The following SKAP2 variants were observed in gnomAD, a reference collection of about 807,000 sequenced individuals.
SKAP2 encodes the protein src kinase-associated phosphoprotein 2.
SKAP2 carries 28 observed loss-of-function variants against 54.9 expected under a neutral mutation model. The ratio of observed to expected loss-of-function variants is 0.51; its 90% CI spans 0.38 to 0.70. The LOEUF (loss-of-function observed/expected upper bound fraction) is 0.70, where lower values mean the gene tolerates loss of function less well. Among genes scored for constraint, SKAP2 ranks in the 30% least tolerant of loss-of-function variants. The probability of loss-of-function intolerance (pLI) is 0.00; values close to 1 mark genes in which losing one functional copy is unlikely to be tolerated. For synonymous variants in SKAP2, 137 were observed against 134.3 expected, an observed-to-expected ratio of 1.02 and a Z score of -0.14; for missense variants, 356 against 424.1, an observed-to-expected ratio of 0.84 and a Z score of 1.41.
At chr7:26,843,472 A>T (rs1332836640) in intron 4 of SKAP2, among the ~76,000 whole-genome samples, 1 of 152,050 alleles carries the variant, frequency 6.6e-6, no homozygotes, top group Non-Finnish European at 1.5e-5. Context: ...ATTTATTACT[A>T]ATTCAGTTAA....
chr7:26,820,744 C>T (rs1218926051), intron 4 of SKAP2, among the ~76,000 whole-genome samples: 2 of 151,134 alleles, frequency 1.3e-5, no homozygotes, highest in African/African-American at 2.4e-5. Context: ...TAGCTACTCA[C>T]AATATGATAT....
At chr7:26,735,639 C>T (rs1382930668) in intron 6 of SKAP2, among the ~76,000 whole-genome samples, 1 of 152,094 alleles carries the variant, frequency 6.6e-6, no homozygotes, top group East Asian at 1.9e-4. Flanking sequence ...CTCTATAATC[C>T]ATTTATCTAA....
chr7:26,804,955 A>G (rs1255479660), intron 4 of SKAP2, among the ~76,000 whole-genome samples: 2 of 152,220 alleles, frequency 1.3e-5, no homozygotes, highest in Admixed American at 6.5e-5. Context: ...TGTTTCCTAT[A>G]GTATGAAAAA....
chr7:26,845,282 A>G (rs1379663463), intron 3 of SKAP2, among the ~76,000 whole-genome samples: 5 of 152,124 alleles, frequency 3.3e-5, no homozygotes, highest in Non-Finnish European at 7.4e-5. Context: ...GTGTCACCCT[A>G]TTTGTTACCA....
In SKAP2 at chr7:26,857,457, C is replaced by T. The variant is rs380678; in HGVS notation, c.68-2567G>A. 11 of 984,940 alleles carry T rather than the reference C, an allele frequency of 1.1e-5. No homozygotes were observed. The South Asian group carries it at 5.2e-4, about 46-fold the overall frequency. The allele number at this position is 984,940 out of a possible 1,614,324, so 61.0% of individuals were successfully genotyped here. ...CTTAAAATCTACACTTTACCCGTTT[C>T]TTTTAGAATCGAATGAAACCAGCCT... On this transcript the variant is annotated intron_variant, in intron 1 of 12. Transcript: ENST00000345317.
chr7:26,857,448 T>C (rs1200386303), intron 1 of SKAP2: 7 of 984,974 alleles, frequency 7.1e-6, no homozygotes, highest in Non-Finnish European at 8.4e-6. Flanking sequence ...ATCTACACTT[T>C]ACCCGTTTCT....
chr7:26,784,023 G>A (rs1562609001), intron 4 of SKAP2, among the ~76,000 whole-genome samples: 2 of 149,774 alleles, frequency 1.3e-5, no homozygotes, highest in Non-Finnish European at 3.0e-5. Context: ...GACTAAAGTA[G>A]AGCATTAAAA....
chr7:26,720,796 AG>A (rs1787561811), intron 9 of SKAP2, among the ~76,000 whole-genome samples: 1 of 152,182 alleles, frequency 6.6e-6, no homozygotes, highest in Non-Finnish European at 1.5e-5. Flanking sequence ...CACTATCACG[AG>A]AACTGGATAG....
chr7:26,849,975 ATC>A (rs1785005757), intron 3 of SKAP2, among the ~76,000 whole-genome samples: 1 of 152,184 alleles, frequency 6.6e-6, no homozygotes, highest in Non-Finnish European at 1.5e-5. Flanking sequence ...CACCTAAATC[ATC>A]TCTGGAGAAA....
At chr7:26,859,499 A>T (rs1785237951) in intron 1 of SKAP2, among the ~76,000 whole-genome samples, 1 of 152,234 alleles carries the variant, frequency 6.6e-6, no homozygotes, top group African/African-American at 2.4e-5. Flanking sequence ...GACTTTTCAA[A>T]CATGGAAAAG....
chr7:26,666,004 C>A (rs1308831355), downstream of SKAP2, among the ~76,000 whole-genome samples: 2 of 151,980 alleles, frequency 1.3e-5, no homozygotes, highest in Non-Finnish European at 1.5e-5. Flanking sequence ...CACACACACA[C>A]ACACACACAA....
At chr7:26,750,313 CTT>C (rs70946231) in intron 4 of SKAP2, among the ~76,000 whole-genome samples, 19 of 134,944 alleles carry the variant, frequency 1.4e-4, no homozygotes, top group Non-Finnish European at 1.6e-4. Context: ...ATATACCATA[CTT>C]TTTTTTTTTT....
intron 4 of SKAP2, among the ~76,000 whole-genome samples, chr7:26,805,566 G>A (rs1469216419): frequency 6.6e-6 from 1 of 152,058 alleles, no homozygotes; most frequent in Non-Finnish European, 1.5e-5. Context: ...AAGTCATGAG[G>A]GCACTCAAGT....
chr7:26,857,191 T>C (rs1283793613), intron 1 of SKAP2, among the ~76,000 whole-genome samples: 21 of 147,096 alleles, frequency 1.4e-4, no homozygotes, highest in Non-Finnish European at 2.4e-4. Flanking sequence ...TTTTTTAATA[T>C]ACTTATTCCT....
chr7:26,764,323 A>G (rs545338295), intron 4 of SKAP2, among the ~76,000 whole-genome samples: 2 of 152,304 alleles, frequency 1.3e-5, no homozygotes, highest in Admixed American at 1.3e-4. Flanking sequence ...GTCATTCTCT[A>G]TAGAAGAAGA....
intron 4 of SKAP2, among the ~76,000 whole-genome samples, chr7:26,823,071 A>G (rs1784413656): frequency 6.6e-6 from 1 of 152,142 alleles, no homozygotes; most frequent in Admixed American, 6.5e-5. Context: ...GTGAATGCAA[A>G]TGAAAAGTCC....
At chr7:26,775,060 T>A (rs10261927) in intron 4 of SKAP2, among the ~76,000 whole-genome samples, 12,910 of 152,292 alleles carry the variant, frequency 0.085, 614 homozygotes, top group Middle Eastern at 0.16. Flanking sequence ...AGGGTCCTTT[T>A]TTGTGAATCT....
chr7:26,818,340 G>T lies in SKAP2; in HGVS notation c.307+25690C>A, dbSNP rs548349472. Among the ~76,000 whole-genome samples, 8 of 152,264 alleles carry T rather than the reference G, an allele frequency of 5.3e-5. No individual in the cohort carries two copies. The East Asian group carries it at 1.5e-3, about 29-fold the overall frequency. On this transcript the variant is annotated intron_variant, in intron 4 of 12. Transcript: ENST00000345317. ...CTGACAAAAACAAGCAATGGGGAAAGGATTCCCTATTTAATAAATGGTGTT... is the reference window on the plus strand; with the variant it reads ...CTGACAAAAACAAGCAATGGGGAAATGATTCCCTATTTAATAAATGGTGTT...
chr7:26,816,267 A>C (rs113283537), intron 4 of SKAP2, among the ~76,000 whole-genome samples: 1 of 152,150 alleles, frequency 6.6e-6, no homozygotes, highest in Non-Finnish European at 1.5e-5. Flanking sequence ...AATTATGAAA[A>C]AATATCAATT....
Sources: gnomAD v4.1 joint callset for allele counts (sites outside exome capture counted in the v4.1 genomes callset) on GRCh38, gnomAD v4.1.1 for gene constraint, MANE v1.5 for transcripts, NCBI Gene and HGNC (gene_info 2026-07-23, HGNC 2026-07-21) for gene names.